The following CAPN1 variants were observed in gnomAD, a reference collection of about 807,000 sequenced individuals.
The protein encoded by CAPN1 is calpain-1 catalytic subunit.
A neutral mutation model predicts 105.2 loss-of-function variants in CAPN1; 77 were observed. That is an observed-to-expected ratio of 0.73 (90% CI 0.61 to 0.88). CAPN1 has a LOEUF of 0.88. Ranked by LOEUF, CAPN1 falls within the 40% of genes least tolerant of loss-of-function variation. CAPN1 has a pLI of 0.00. For missense variants in CAPN1, 833 were observed against 976.6 expected, an observed-to-expected ratio of 0.85 and a Z score of 1.96; for synonymous variants, 355 against 388.8, an observed-to-expected ratio of 0.91 and a Z score of 1.02.
At position 65,185,973 on chromosome 11, in the gene CAPN1, G is replaced by A. The variant is rs1297113686; in HGVS notation, c.513G>A (p.Lys171=). 2.5e-6 allele frequency: 4 copies of A among 1,601,902 alleles called. No individual in the cohort carries two copies. Among genetic ancestry groups the A allele is most frequent in the Non-Finnish European group, 3.4e-6 (4 of 1,174,190 alleles). ...DVVVDDLLPI[K]DGKLVFVHSA... ...TCGTGGATGACCTGCTGCCCATCAA[G>A]GACGGGAAGCTAGTGTTCGTGCACT... The change falls in exon 5 of 22, where the codon AAG becomes AAA. Residue 171 remains lysine, a synonymous_variant. Coordinates refer to ENST00000279247, the MANE Select transcript of CAPN1 (RefSeq NM_005186.4).
Position 65,209,592 on chromosome 11 carries a change from G to T in CAPN1, c.1794+205G>T. 1 of 642,572 alleles carries T rather than the reference G, an allele frequency of 1.6e-6. No individual in the cohort carries two copies. The allele number at this position is 642,572 out of a possible 1,614,324, so 39.8% of individuals were successfully genotyped here. ...AGGCACAGACCTGTGTCAAGTGAAAGGTGGAGCAAGACCTGGGTCCCCATT... is the reference window on the plus strand; with the variant it reads ...AGGCACAGACCTGTGTCAAGTGAAATGTGGAGCAAGACCTGGGTCCCCATT... On this transcript the variant is annotated intron_variant, in intron 17 of 21. Coordinates refer to ENST00000279247, the MANE Select transcript of CAPN1 (RefSeq NM_005186.4). This position sits in a 1 kb window ranked among gnomAD's most constrained non-coding sequence, Gnocchi z 4.1.
At chr11:65,182,486 C>T in intron 1 of CAPN1, 1 of 542,084 alleles carries the variant, frequency 1.8e-6, no homozygotes. Flanking sequence ...GAGAGGTGGC[C>T]GGCACGCCTG....
At position 65,188,702 on chromosome 11, in the gene CAPN1, C is replaced by G; in HGVS notation, c.1121C>G (p.Thr374Ser). Reference sequence around the variant, plus strand: ...TGGAACACCACACTCTACGAAGGCACCTGGCGGCGGGGGAGCACCGCGGGG... The same window carrying G: ...TGGAACACCACACTCTACGAAGGCAGCTGGCGGCGGGGGAGCACCGCGGGG... ...RKWNTTLYEG[T>S]WRRGSTAGGC... The change falls in exon 10 of 22, where the codon ACC (threonine) becomes AGC (serine). Residue 374 changes from threonine to serine, a missense_variant. By Grantham distance (58) the Thr-to-Ser change is moderately conservative (BLOSUM62 1). Transcript: ENST00000279247. The surrounding 1 kb of genome is among the most constrained non-coding windows in gnomAD (Gnocchi z 5.5). 1 of 1,607,088 alleles carries G rather than the reference C, an allele frequency of 6.2e-7. No individual in the cohort carries two copies. The highest frequency in any genetic ancestry group is 8.5e-7 in the Non-Finnish European group (1 of 1,176,796).
intron 10 of CAPN1, among the ~76,000 whole-genome samples, chr11:65,201,523 T>C (rs1481774976): frequency 6.6e-6 from 1 of 152,176 alleles, no homozygotes. Flanking sequence ...TTTCTTTCTT[T>C]TTTTTTGTTT....
intron 10 of CAPN1, among the ~76,000 whole-genome samples, chr11:65,192,548 G>T (rs1426150964): frequency 6.6e-6 from 1 of 152,146 alleles, no homozygotes; most frequent in Non-Finnish European, 1.5e-5. Flanking sequence ...AGTATTGAAA[G>T]TTAAAGGTTA....
In CAPN1 at chr11:65,208,963, G is replaced by A. The variant is rs906144151; in HGVS notation, c.1730-360G>A. 1.3e-5 allele frequency: 4 copies of A among 303,130 alleles called. No homozygotes were observed. The highest frequency in any genetic ancestry group is 1.9e-5 in the Non-Finnish European group (3 of 156,248). 18.8% of individuals were successfully genotyped at this position (303,130 alleles called of 1,614,324 possible). ...TGCTGCCACTGACCTCCATCCACAC[G>A]GTTTCCTTAAGCAGAGCTTTTCTCC... is the stretch of plus-strand genomic sequence containing the variant. On this transcript the variant is annotated intron_variant, in intron 16 of 21. Transcript: ENST00000279247. The surrounding 1 kb of genome is among the most constrained non-coding windows in gnomAD (Gnocchi z 4.1).
chr11:65,186,565 T>C (rs956102128), intron 6 of CAPN1, among the ~76,000 whole-genome samples: 12 of 152,028 alleles, frequency 7.9e-5, no homozygotes, highest in African/African-American at 2.9e-4. Context: ...CTCAGCTCTT[T>C]CCTGTGCTTG....
rs773929105 is a variant in CAPN1, at chr11:65,208,631, T to C, written c.1729+369T>C. ...TGTCTCTGCAAAAAAGTACAAAAAT[T>C]AGCTGGGCGTGGTGGCATGCACCTA... On this transcript the variant is annotated intron_variant, in intron 16 of 21. Coordinates refer to ENST00000279247, the MANE Select transcript of CAPN1 (RefSeq NM_005186.4). This position sits in a 1 kb window ranked among gnomAD's most constrained non-coding sequence, Gnocchi z 4.1. 13 of 337,646 alleles carry C rather than the reference T, an allele frequency of 3.9e-5. No homozygotes were observed. Among genetic ancestry groups the C allele is most frequent in the Non-Finnish European group, 6.9e-5 (12 of 173,812 alleles). The allele number at this position is 337,646 out of a possible 1,614,324, so 20.9% of individuals were successfully genotyped here.
Position 65,188,510 on chromosome 11 carries a change from A to G in CAPN1, c.1004+22A>G. The G allele has an allele frequency of 1.9e-6, 3 of 1,612,160 alleles. No homozygotes were observed. Among genetic ancestry groups the G allele is most frequent in the Non-Finnish European group, 2.5e-6 (3 of 1,179,010 alleles). On this transcript the variant is annotated intron_variant, in intron 9 of 21. Coordinates refer to ENST00000279247, the MANE Select transcript of CAPN1 (RefSeq NM_005186.4). The surrounding 1 kb of genome is among the most constrained non-coding windows in gnomAD (Gnocchi z 5.5). ...TCTGGTGAGCGCCCCCTCCCCTTCT[A>G]CCCCACCTCTCCACCCCTACACATC...
Position 65,211,303 on chromosome 11 carries a change from C to T in CAPN1, c.*17C>T. The T allele has an allele frequency of 6.2e-7, 1 of 1,611,594 alleles. No homozygotes were observed. Among genetic ancestry groups the T allele is most frequent in the Non-Finnish European group, 8.5e-7 (1 of 1,179,468 alleles). On this transcript the variant is annotated 3_prime_UTR_variant, in exon 22 of 22. Coordinates refer to ENST00000279247, the MANE Select transcript of CAPN1 (RefSeq NM_005186.4). The stretch of plus-strand genomic sequence containing the variant: ...TTTGCATGAGGCAGGGACTCGGTCC[C>T]CCTTGCCGTGCTCCCCTCCCTCCTC...
intron 10 of CAPN1, among the ~76,000 whole-genome samples, chr11:65,199,768 T>G (rs1364704272): frequency 6.6e-6 from 1 of 152,274 alleles, no homozygotes; most frequent in Non-Finnish European, 1.5e-5. Flanking sequence ...GTAATGGATC[T>G]TTTCAAATCT....
At position 65,205,290 on chromosome 11, in the gene CAPN1, C is replaced by T. The variant is rs550672063; in HGVS notation, c.1342-420C>T. 1.0e-3 allele frequency among the ~76,000 whole-genome samples: 159 copies of T among 152,326 alleles called. 1 individual carries two copies. Among genetic ancestry groups the T allele is most frequent in the Non-Finnish European group, 1.7e-3 (118 of 68,012 alleles). On this transcript the variant is annotated intron_variant, in intron 11 of 21. Transcript: ENST00000279247. ...CGCTCTGGGATTAGAACTCCTTGCT[C>T]TTGCCCTGTATCTGCCCTGCTTCAC...
At chr11:65,205,003 TGAG>T (rs199509405) in intron 11 of CAPN1, 145 bp downstream of exon 11, 10,723 of 688,070 alleles carry the variant, frequency 0.016, 153 homozygotes, top group Non-Finnish European at 0.016. Flanking sequence ...CCCACCATCC[TGAG>T]GGCTGGGAAA....
Position 65,208,945 on chromosome 11 carries a change from A to C in CAPN1, c.1730-378A>C. ...ATCCCCTCCCCTCCCCTTTGCTGCC[A>C]CTGACCTCCATCCACACGGTTTCCT... On this transcript the variant is annotated intron_variant, in intron 16 of 21. Coordinates refer to ENST00000279247, the MANE Select transcript of CAPN1 (RefSeq NM_005186.4). This position sits in a 1 kb window ranked among gnomAD's most constrained non-coding sequence, Gnocchi z 4.1. The C allele has an allele frequency of 3.7e-6, 1 of 272,932 alleles. No homozygotes were observed. The highest frequency in any genetic ancestry group is 7.2e-6 in the Non-Finnish European group (1 of 138,754). 16.9% of individuals were successfully genotyped at this position (272,932 alleles called of 1,614,324 possible). A position where few individuals can be genotyped will look rare whatever the true frequency, so the allele number is the denominator to read the frequency against.
Position 65,186,319 on chromosome 11 carries a change from T to A in CAPN1, c.740T>A (p.Leu247Gln). 6.2e-7 allele frequency: 1 copy of A among 1,612,628 alleles called. No individual in the cohort carries two copies. Among genetic ancestry groups the A allele is most frequent in the Non-Finnish European group, 8.5e-7 (1 of 1,179,172 alleles). ...IILKALERGS[L>Q]LGCSIDISSV... ...CTCAAGGCGCTGGAGCGGGGCTCCC[T>A]GCTGGGCTGCTCCATAGACGTGAGT... The change falls in exon 6 of 22, where the codon CTG becomes CAG. Residue 247 changes from leucine to glutamine, a missense_variant. Physicochemically the swap from Leu to Gln is moderately radical, Grantham distance 113. Coordinates refer to ENST00000279247, the MANE Select transcript of CAPN1 (RefSeq NM_005186.4).
In CAPN1 at chr11:65,188,868, T is replaced by A; in HGVS notation, c.1165+122T>A. 1 of 836,410 alleles carries A rather than the reference T, an allele frequency of 1.2e-6. No individual in the cohort carries two copies. Among genetic ancestry groups the A allele is most frequent in the South Asian group, 1.8e-5 (1 of 56,414 alleles). 51.8% of individuals were successfully genotyped at this position (836,410 alleles called of 1,614,324 possible). ...TATAGGCTGATCTCTTGAATTTGCTTTGAGGAGTAAAATATTAAATGTCCT... is the reference window on the plus strand; with the variant it reads ...TATAGGCTGATCTCTTGAATTTGCTATGAGGAGTAAAATATTAAATGTCCT... On this transcript the variant is annotated intron_variant, in intron 10 of 21. Coordinates refer to ENST00000279247, the MANE Select transcript of CAPN1 (RefSeq NM_005186.4). This position sits in a 1 kb window ranked among gnomAD's most constrained non-coding sequence, Gnocchi z 5.5.
intron 10 of CAPN1, among the ~76,000 whole-genome samples, chr11:65,200,148 C>T (rs1184749309): frequency 2.0e-5 from 3 of 151,904 alleles, no homozygotes; most frequent in African/African-American, 7.3e-5. Flanking sequence ...CTCCCAGGCT[C>T]AAGGAATCCT....
At chr11:65,193,986 T>G (rs1259042371) in intron 10 of CAPN1, among the ~76,000 whole-genome samples, 1 of 90,592 alleles carries the variant, frequency 1.1e-5, no homozygotes, top group Non-Finnish European at 2.5e-5. Context: ...TTTTTTTTTT[T>G]GAGATAGTCT....
chr11:65,192,984 C>CT (rs769999096), intron 10 of CAPN1, among the ~76,000 whole-genome samples: 3,875 of 140,960 alleles, frequency 0.027, 171 homozygotes, highest in African/African-American at 0.089. Flanking sequence ...TTAATATACT[C>CT]TTTTTTTTTT....
Sources: allele counts gnomAD v4.1 joint callset (sites outside exome capture counted in the v4.1 genomes callset), GRCh38; gene constraint gnomAD v4.1.1; non-coding constraint Gnocchi (gnomAD v3.1); transcripts MANE v1.5; gene names NCBI Gene and HGNC (gene_info 2026-07-23, HGNC 2026-07-21).